Variants in NCKAP5 observed in about 807,000 individuals in gnomAD.
The protein encoded by NCKAP5 is NCK associated protein 5, also known as nck-associated protein 5.
NCKAP5 carries 92 observed loss-of-function variants against 167.0 expected under a neutral mutation model. The ratio of observed to expected loss-of-function variants is 0.55; its 90% confidence interval spans 0.47 to 0.66. The LOEUF (loss-of-function observed/expected upper bound fraction) is 0.66. Among genes scored for constraint, NCKAP5 ranks in the 30% least tolerant of loss-of-function variants. The pLI is 0.00. For missense variants in NCKAP5, 2,378 were observed against 2,315.0 expected (o/e 1.03, Z -0.56); for synonymous variants, 891 against 877.4 (o/e 1.02, Z -0.27).
At chr2:133,462,806 G>A (rs1190187789) in intron 3 of NCKAP5, among the ~76,000 whole-genome samples, 1 of 152,134 alleles carries the variant, frequency 6.6e-6, no homozygotes, top group Non-Finnish European at 1.5e-5. Context: ...CAAGCCACAA[G>A]CATAAGAGCA....
intron 4 of NCKAP5, among the ~76,000 whole-genome samples, chr2:133,218,802 A>G (rs2086537596): frequency 1.3e-5 from 2 of 152,342 alleles, no homozygotes; most frequent in African/African-American, 2.4e-5. Flanking sequence ...TAGGAACATC[A>G]CTACTTTATG....
chr2:132,833,573 T>G (rs1318533977), intron 11 of NCKAP5, among the ~76,000 whole-genome samples: 1 of 152,328 alleles, frequency 6.6e-6, no homozygotes, highest in African/African-American at 2.4e-5. Context: ...TTAATTCTTC[T>G]GCAAATGGCA....
At chr2:133,366,251 A>G (rs923961311) in intron 3 of NCKAP5, among the ~76,000 whole-genome samples, 14 of 152,184 alleles carry the variant, frequency 9.2e-5, no homozygotes, top group African/African-American at 2.9e-4. Flanking sequence ...TCAGATGTTG[A>G]TTAGATCATA....
intron 8 of NCKAP5, among the ~76,000 whole-genome samples, chr2:132,936,126 C>T (rs950415075): frequency 7.9e-5 from 12 of 151,816 alleles, no homozygotes; most frequent in Non-Finnish European, 1.8e-4. Context: ...GGATTACAGG[C>T]GCTCGCCACC....
At chr2:133,438,010 T>C (rs1288512932) in intron 3 of NCKAP5, among the ~76,000 whole-genome samples, 1 of 152,248 alleles carries the variant, frequency 6.6e-6, no homozygotes, top group Non-Finnish European at 1.5e-5. Context: ...TGTTCCAGAA[T>C]ATTGGGATTG....
chr2:133,300,181 C>T (rs1680279583), intron 4 of NCKAP5, among the ~76,000 whole-genome samples: 1 of 119,252 alleles, frequency 8.4e-6, no homozygotes, highest in African/African-American at 3.7e-5. Context: ...GGATTCACAG[C>T]CGAATTCTAC....
chr2:133,636,381 G>A, the NCKAP5 span, among the ~76,000 whole-genome samples: 1 of 152,114 alleles, frequency 6.6e-6, no homozygotes, highest in African/African-American at 2.4e-5. Context: ...AGAAAAACCT[G>A]GAGGAACAGA....
At chr2:133,504,114 C>T (rs1682784111) in intron 3 of NCKAP5, among the ~76,000 whole-genome samples, 1 of 152,038 alleles carries the variant, frequency 6.6e-6, no homozygotes, top group South Asian at 2.1e-4. Context: ...TGGGAAACTA[C>T]AACTGCAAAT....
chr2:133,303,801 T>A (rs1680579688), intron 3 of NCKAP5, among the ~76,000 whole-genome samples: 1 of 152,212 alleles, frequency 6.6e-6, no homozygotes. Context: ...ACGTGTTACA[T>A]GAGAAGTAAG....
At chr2:132,922,410 C>A (rs758517385) in intron 8 of NCKAP5, among the ~76,000 whole-genome samples, 1 of 152,102 alleles carries the variant, frequency 6.6e-6, no homozygotes, top group Non-Finnish European at 1.5e-5. Context: ...TCATAAAATG[C>A]AAATGTGATC....
At chr2:133,464,736 G>C (rs1692433330) in intron 3 of NCKAP5, among the ~76,000 whole-genome samples, 1 of 152,162 alleles carries the variant, frequency 6.6e-6, no homozygotes, top group Non-Finnish European at 1.5e-5. Context: ...AAGTTAATGA[G>C]GAGTAGCCTG....
chr2:133,329,317 G>C (rs1487623571), intron 3 of NCKAP5, among the ~76,000 whole-genome samples: 1 of 152,022 alleles, frequency 6.6e-6, no homozygotes, highest in Non-Finnish European at 1.5e-5. Context: ...AAGGGAGGAG[G>C]GGCTGGGGAA....
intron 6 of NCKAP5, among the ~76,000 whole-genome samples, chr2:133,070,319 A>G (rs1298571577): frequency 6.6e-6 from 1 of 152,140 alleles, no homozygotes; most frequent in Non-Finnish European, 1.5e-5. Context: ...GGCTAATAAG[A>G]TATGCCCTGC....
At chr2:133,488,190 A>G (rs1228327978) in intron 3 of NCKAP5, among the ~76,000 whole-genome samples, 1 of 152,222 alleles carries the variant, frequency 6.6e-6, no homozygotes, top group Non-Finnish European at 1.5e-5. Context: ...TGTTAATGTT[A>G]TATTCATGGA....
At chr2:133,170,629 T>C (rs2149987471) in intron 5 of NCKAP5, among the ~76,000 whole-genome samples, 1 of 152,324 alleles carries the variant, frequency 6.6e-6, no homozygotes, top group South Asian at 2.1e-4. Flanking sequence ...TAGCATTCCC[T>C]CTAAAGAGAA....
chr2:133,664,096 C>T, the NCKAP5 span, among the ~76,000 whole-genome samples: 1 of 152,194 alleles, frequency 6.6e-6, no homozygotes, highest in Non-Finnish European at 1.5e-5. Flanking sequence ...CCTTGTACAA[C>T]TCCTTTGGAG....
At chr2:132,819,311 C>T (rs1394005569) in intron 11 of NCKAP5, among the ~76,000 whole-genome samples, 1 of 152,162 alleles carries the variant, frequency 6.6e-6, no homozygotes, top group East Asian at 1.9e-4. Flanking sequence ...TACGTTAATT[C>T]AAATCTCCAC....
chr2:133,062,228 C>T (rs2080032498), intron 6 of NCKAP5, among the ~76,000 whole-genome samples: 1 of 152,144 alleles, frequency 6.6e-6, no homozygotes, highest in African/African-American at 2.4e-5. Flanking sequence ...AATATTTACG[C>T]TTGGAATTTT....
intron 8 of NCKAP5, among the ~76,000 whole-genome samples, chr2:132,921,532 G>C (rs1440370355): frequency 6.6e-6 from 1 of 152,178 alleles, no homozygotes; most frequent in Admixed American, 6.5e-5. Context: ...AATGCTGCTA[G>C]GACATGAGTA....
Sources: allele counts gnomAD v4.1 joint callset (sites outside exome capture counted in the v4.1 genomes callset), GRCh38; gene constraint gnomAD v4.1.1; transcripts MANE v1.5; gene names NCBI Gene and HGNC (gene_info 2026-07-23, HGNC 2026-07-21).